The following EDN3 variants were observed in gnomAD, a reference collection of about 807,000 sequenced individuals.
EDN3 encodes endothelin-3.
Under a neutral mutation model 21.4 loss-of-function variants are expected in EDN3, and 9 were observed. That is an observed-to-expected ratio of 0.42 (90% CI 0.25 to 0.73). The LOEUF is 0.73. Ranked by LOEUF, EDN3 falls within the 30% of genes least tolerant of loss-of-function variation. EDN3 has a pLI of 0.26. For missense variants in EDN3, 327 were observed against 309.4 expected, an observed-to-expected ratio of 1.06 and a Z score of -0.43; for synonymous variants, 133 against 126.2, an observed-to-expected ratio of 1.05 and a Z score of -0.36.
intron 2 of EDN3, among the ~76,000 whole-genome samples, chr20:59,315,968 G>A (rs1169954922): frequency 3.3e-5 from 5 of 152,070 alleles, no homozygotes; most frequent in South Asian, 2.1e-4. Flanking sequence ...GGTGGATCAC[G>A]AGGTCAAACG....
intron 2 of EDN3, among the ~76,000 whole-genome samples, chr20:59,309,702 C>T (rs1226307164): frequency 6.6e-6 from 1 of 152,120 alleles, no homozygotes; most frequent in Non-Finnish European, 1.5e-5. Context: ...TCTTAGAACA[C>T]TGGACGGCAA....
In EDN3 at chr20:59,305,930, TAGCC is replaced by T. The variant is rs966609351; in HGVS notation, c.365+4210_365+4213del. 3.3e-5 allele frequency among the ~76,000 whole-genome samples: 5 copies of T among 152,176 alleles called. No homozygotes were observed. The highest frequency in any genetic ancestry group is 1.2e-4 in the African/African-American group (5 of 41,442). Reference sequence around the variant, plus strand: ...GACTAAACAACTGGGCACAGTATCCTAGCCAAGTTGACACCTAAAGTGACCCATA... The same window carrying T: ...GACTAAACAACTGGGCACAGTATCCTAAGTTGACACCTAAAGTGACCCATA... On this transcript the variant is annotated intron_variant, in intron 2 of 4. Transcript: ENST00000337938. The surrounding 1 kb of genome is among the most constrained non-coding windows in gnomAD (Gnocchi z 4.2).
At position 59,301,464 on chromosome 20, in the gene EDN3, C is replaced by G. The variant is rs757704427; in HGVS notation, c.107C>G (p.Ala36Gly). 2 of 1,613,326 alleles carry G rather than the reference C, an allele frequency of 1.2e-6. No individual in the cohort carries two copies. The highest frequency in any genetic ancestry group is 1.7e-5 in the Admixed American group (1 of 60,030). ...GCTGGCAGGCGCGGCGTGTCCCAGG[C>G]CCCCACTGCAGCCAGATCTGAGGGG... Reference protein sequence around the residue: ...GDAGRRGVSQAPTAARSEGDC... With the variant: ...GDAGRRGVSQGPTAARSEGDC... Residue 36 changes from alanine (A) to glycine (G), a missense_variant, in exon 2 of 5, where the codon GCC becomes GGC. Physicochemically the swap from Ala to Gly is moderately conservative, Grantham distance 60. Coordinates refer to ENST00000337938, the MANE Select transcript of EDN3 (RefSeq NM_207034.3).
At chr20:59,313,447 CT>C (rs1989965425) in intron 2 of EDN3, among the ~76,000 whole-genome samples, 1 of 152,090 alleles carries the variant, frequency 6.6e-6, no homozygotes, top group Non-Finnish European at 1.5e-5. Context: ...GCTCAGTATT[CT>C]TTTTGAAAAT....
intron 2 of EDN3, among the ~76,000 whole-genome samples, chr20:59,308,230 G>A (rs1428142111): frequency 6.6e-6 from 1 of 152,156 alleles, no homozygotes; most frequent in Non-Finnish European, 1.5e-5. Flanking sequence ...GAGAGGGCGA[G>A]GGACCCCCAG....
At position 59,301,456 on chromosome 20, in the gene EDN3, G is replaced by T; in HGVS notation, c.99G>T (p.Val33=). 1.9e-6 allele frequency: 3 copies of T among 1,613,332 alleles called. No homozygotes were observed. The South Asian group carries it at 3.3e-5, about 18-fold the overall frequency. Residue 33 remains valine (V), a synonymous_variant, in exon 2 of 5, where the codon GTG becomes GTT. Coordinates refer to ENST00000337938, the MANE Select transcript of EDN3 (RefSeq NM_207034.3). The stretch of plus-strand genomic sequence containing the variant: ...CTGGGGATGCTGGCAGGCGCGGCGT[G>T]TCCCAGGCCCCCACTGCAGCCAGAT... ...SQSGDAGRRG[V]SQAPTAARSE...
At chr20:59,319,714 G>A (rs1279903904) in intron 2 of EDN3, among the ~76,000 whole-genome samples, 6 of 133,654 alleles carry the variant, frequency 4.5e-5, no homozygotes, top group Admixed American at 8.1e-5. Context: ...CGACAAGAGC[G>A]AGACTCTGTC....
rs34604265 is a variant in EDN3, at chr20:59,321,024, G to T, written c.373G>T (p.Val125Leu). ...IIWINTPEQTVPYGLSNYRGS... is the reference protein window; with the variant it reads ...IIWINTPEQTLPYGLSNYRGS... ...TTACCCTGTGCTTTGCAGACAGACG[G>T]TGCCCTATGGACTGTCCAACTACAG... Residue 125 changes from valine (V) to leucine (L), a missense_variant, in exon 3 of 5, where the codon GTG (valine) becomes TTG (leucine). Physicochemically the swap from Val to Leu is conservative, Grantham distance 32 (BLOSUM62 1). Transcript: ENST00000337938. 3.9e-5 allele frequency: 63 copies of T among 1,614,094 alleles called. No homozygotes were observed. Among genetic ancestry groups the T allele is most frequent in the Non-Finnish European group, 5.3e-5 (62 of 1,180,054 alleles).
At chr20:59,316,432 C>T (rs182058049) in intron 2 of EDN3, among the ~76,000 whole-genome samples, 15 of 152,256 alleles carry the variant, frequency 9.9e-5, no homozygotes, top group African/African-American at 3.6e-4. Context: ...TAGGGAATGA[C>T]AGTTTGATAA....
At chr20:59,314,051 AG>A (rs1990016771) in intron 2 of EDN3, among the ~76,000 whole-genome samples, 1 of 152,146 alleles carries the variant, frequency 6.6e-6, no homozygotes, top group Admixed American at 6.5e-5. Flanking sequence ...CTGGGAAGGA[AG>A]GGATGGCATG....
intron 2 of EDN3, among the ~76,000 whole-genome samples, chr20:59,302,376 A>G (rs888699246): frequency 5.9e-5 from 9 of 152,098 alleles, no homozygotes; most frequent in Non-Finnish European, 1.2e-4. Context: ...TCTCTCCTGC[A>G]GTCCTTAGAA....
rs1434570667 is a variant in EDN3, at chr20:59,321,114, C to T, written c.463C>T (p.Pro155Ser). 1.9e-6 allele frequency: 3 copies of T among 1,614,240 alleles called. No homozygotes were observed. Among genetic ancestry groups the T allele is most frequent in the Non-Finnish European group, 2.5e-6 (3 of 1,180,042 alleles). ...LPGNLQLSHRPHLRCACVGRY... is the reference protein window; with the variant it reads ...LPGNLQLSHRSHLRCACVGRY... The stretch of plus-strand genomic sequence containing the variant: ...AGGGAATCTGCAGCTCTCACATCGG[C>T]CACACTTGCGCTGCGCTTGTGTGGG... The change falls in exon 3 of 5, where the codon CCA (proline) becomes TCA (serine). Residue 155 changes from proline (P) to serine (S), a missense_variant. Transcript: ENST00000337938.
At position 59,322,339 on chromosome 20, in the gene EDN3, G is replaced by T. The variant is rs370274014; in HGVS notation, c.543-33G>T. ...AAAAACCAGCCACAGGGAAAGGCAGGTTGATTGATTAAAACCAGCTCTCTC... is the reference window on the plus strand; with the variant it reads ...AAAAACCAGCCACAGGGAAAGGCAGTTTGATTGATTAAAACCAGCTCTCTC... On this transcript the variant is annotated intron_variant, in intron 3 of 4. Coordinates refer to ENST00000337938, the MANE Select transcript of EDN3 (RefSeq NM_207034.3). This position sits in a 1 kb window ranked among gnomAD's most constrained non-coding sequence, Gnocchi z 4.1. 55 of 1,613,724 alleles carry T rather than the reference G, an allele frequency of 3.4e-5. No individual in the cohort carries two copies. The highest frequency in any genetic ancestry group is 1.6e-4 in the Middle Eastern group (1 of 6,084).
rs1989312054 is a variant in EDN3 at position 59,305,086 on chromosome 20, C to T, written c.365+3364C>T. 6.6e-6 allele frequency among the ~76,000 whole-genome samples: 1 copy of T among 152,146 alleles called. No individual in the cohort carries two copies. Among genetic ancestry groups the T allele is most frequent in the South Asian group, 2.1e-4 (1 of 4,824 alleles). On this transcript the variant is annotated intron_variant, in intron 2 of 4. Coordinates refer to ENST00000337938, the MANE Select transcript of EDN3 (RefSeq NM_207034.3). This position sits in a 1 kb window ranked among gnomAD's most constrained non-coding sequence, Gnocchi z 4.2. ...AGAGAGTTTTTCTTGGGGATGTTGC[C>T]CATAACTTCTGTGATATCTTCCCAA...
intron 2 of EDN3, among the ~76,000 whole-genome samples, chr20:59,316,829 T>G (rs945230206): frequency 2.0e-5 from 3 of 152,176 alleles, no homozygotes; most frequent in African/African-American, 7.2e-5. Context: ...GAGTGATAAT[T>G]TATTGGATGA....
intron 2 of EDN3, among the ~76,000 whole-genome samples, chr20:59,307,717 C>T (rs931934382): frequency 1.3e-5 from 2 of 152,140 alleles, no homozygotes; most frequent in East Asian, 3.9e-4. Context: ...CATTCTGTCG[C>T]CCAGGCTGAA....
At chr20:59,302,261 G>A (rs1217954294) in intron 2 of EDN3, among the ~76,000 whole-genome samples, 3 of 152,220 alleles carry the variant, frequency 2.0e-5, no homozygotes, top group South Asian at 4.2e-4. Flanking sequence ...CTTCCTGTGG[G>A]CCCCCCTGGA....
chr20:59,309,377 T>C (rs1989644883), intron 2 of EDN3, among the ~76,000 whole-genome samples: 1 of 152,172 alleles, frequency 6.6e-6, no homozygotes, highest in Non-Finnish European at 1.5e-5. Flanking sequence ...GAGGACCCCA[T>C]GGGGCACCAG....
chr20:59,316,773 T>A (rs174701), intron 2 of EDN3, among the ~76,000 whole-genome samples: 21,526 of 152,194 alleles, frequency 0.14, 4,330 homozygotes, highest in African/African-American at 0.45. Context: ...AAAGACTCTG[T>A]TGTCACCACA....
Sources: allele counts gnomAD v4.1 joint callset (sites outside exome capture counted in the v4.1 genomes callset), GRCh38; gene constraint gnomAD v4.1.1; non-coding constraint Gnocchi (gnomAD v3.1); transcripts MANE v1.5; gene names NCBI Gene and HGNC (gene_info 2026-07-23, HGNC 2026-07-21).